The following AGBL4 variants were observed in gnomAD, a reference collection of about 807,000 sequenced individuals.
AGBL4 encodes AGBL carboxypeptidase 4, also known as cytosolic carboxypeptidase 6.
A neutral mutation model predicts 66.4 loss-of-function variants in AGBL4; 58 were observed. That is an observed-to-expected ratio of 0.87 (90% CI 0.71 to 1.09). The LOEUF (loss-of-function observed/expected upper bound fraction) is 1.09, where lower values mean the gene tolerates loss of function less well. AGBL4 is among the 50% of genes least tolerant of loss of function. The pLI is 0.00. For synonymous variants in AGBL4, 234 were observed against 222.9 expected (o/e 1.05, Z -0.44); for missense variants, 579 against 631.0 (o/e 0.92, Z 0.88).
chr1:49,556,745 G>C (rs1159624337), intron 3 of AGBL4, among the ~76,000 whole-genome samples: 3 of 152,016 alleles, frequency 2.0e-5, no homozygotes, highest in African/African-American at 4.8e-5. Context: ...GGGACCTGGG[G>C]CCTCGGAGCA....
chr1:48,675,153 G>C (rs965693118), intron 6 of AGBL4, among the ~76,000 whole-genome samples: 2 of 151,822 alleles, frequency 1.3e-5, no homozygotes, highest in Non-Finnish European at 2.9e-5. Flanking sequence ...AGACCCCCCC[G>C]CCACACCCAT....
chr1:49,251,641 G>C (rs1652073035), intron 3 of AGBL4, among the ~76,000 whole-genome samples: 1 of 152,212 alleles, frequency 6.6e-6, no homozygotes, highest in Non-Finnish European at 1.5e-5. Context: ...TGTCACTGTA[G>C]TGAATGCCTG....
intron 5 of AGBL4, among the ~76,000 whole-genome samples, chr1:48,958,005 T>C (rs1657630535): frequency 6.6e-6 from 1 of 152,048 alleles, no homozygotes; most frequent in South Asian, 2.1e-4. Context: ...TTTTTTTGTT[T>C]GTTTGTTTTG....
intron 6 of AGBL4, among the ~76,000 whole-genome samples, chr1:48,812,583 G>T (rs537110959): frequency 4.2e-4 from 64 of 152,236 alleles, no homozygotes; most frequent in Non-Finnish European, 8.2e-4. Context: ...TTTCATTTCT[G>T]GGAGAAAAAC....
chr1:49,248,897 G>A (rs968508044), intron 3 of AGBL4, among the ~76,000 whole-genome samples: 15 of 151,584 alleles, frequency 9.9e-5, no homozygotes, highest in Non-Finnish European at 1.5e-4. Context: ...TCAGTAATAC[G>A]GTGCTCTATA....
chr1:49,918,929 A>G (rs186476348), intron 1 of AGBL4, among the ~76,000 whole-genome samples: 3 of 152,350 alleles, frequency 2.0e-5, no homozygotes, highest in African/African-American at 7.2e-5. Flanking sequence ...CTGGTTCAAC[A>G]TACAAAAATC....
At chr1:48,653,128 G>C (rs1645958603) in intron 8 of AGBL4, among the ~76,000 whole-genome samples, 1 of 152,158 alleles carries the variant, frequency 6.6e-6, no homozygotes, top group Non-Finnish European at 1.5e-5. Flanking sequence ...GAGCTGTCTA[G>C]AAAAACCCAG....
intron 1 of AGBL4, among the ~76,000 whole-genome samples, chr1:50,011,855 C>T (rs1051915398): frequency 1.3e-4 from 20 of 152,150 alleles, no homozygotes; most frequent in Admixed American, 2.6e-4. Context: ...CTCATGGACA[C>T]AGAGAGTAGA....
chr1:49,417,236 T>C (rs909316105), intron 3 of AGBL4, among the ~76,000 whole-genome samples: 1 of 152,064 alleles, frequency 6.6e-6, no homozygotes, highest in African/African-American at 2.4e-5. Context: ...AAGCTGTTTT[T>C]CAAAGCTAAA....
At chr1:49,923,244 C>T (rs907032159) in intron 1 of AGBL4, among the ~76,000 whole-genome samples, 2 of 151,986 alleles carry the variant, frequency 1.3e-5, no homozygotes, top group South Asian at 2.1e-4. Flanking sequence ...TAAATGGTGC[C>T]GGGATAACTG....
chr1:49,689,717 CT>C (rs1286130205), intron 3 of AGBL4, among the ~76,000 whole-genome samples: 1 of 152,138 alleles, frequency 6.6e-6, no homozygotes. Context: ...AATATCTTTC[CT>C]TTTTTTCTGT....
At chr1:49,198,359 G>A (rs763797979) in intron 4 of AGBL4, among the ~76,000 whole-genome samples, 6 of 151,664 alleles carry the variant, frequency 4.0e-5, no homozygotes, top group African/African-American at 7.3e-5. Flanking sequence ...TAATTTATTC[G>A]AAATGGAGTC....
chr1:49,269,410 C>A (rs1031894948), intron 3 of AGBL4: 1 of 152,190 alleles, frequency 6.6e-6, no homozygotes, highest in African/African-American at 2.4e-5. Flanking sequence ...ATAGAAATAA[C>A]CCTGTAAAGC....
At chr1:48,661,579 G>A (rs914732492) in intron 7 of AGBL4, among the ~76,000 whole-genome samples, 1 of 152,212 alleles carries the variant, frequency 6.6e-6, no homozygotes, top group African/African-American at 2.4e-5. Context: ...ACGCCATTGA[G>A]TGTATGAACT....
intron 6 of AGBL4, among the ~76,000 whole-genome samples, chr1:48,794,315 T>A (rs1645618208): frequency 6.6e-6 from 1 of 152,176 alleles, no homozygotes; most frequent in African/African-American, 2.4e-5. Flanking sequence ...GGCTCCTTCC[T>A]ATATGCACTT....
chr1:49,180,484 G>C (rs1389837446), intron 4 of AGBL4, among the ~76,000 whole-genome samples: 1 of 152,152 alleles, frequency 6.6e-6, no homozygotes, highest in Non-Finnish European at 1.5e-5. Context: ...GCTCAGAAAG[G>C]TTAAATCATC....
chr1:49,272,237 A>G (rs1284122015), intron 3 of AGBL4, among the ~76,000 whole-genome samples: 2 of 152,160 alleles, frequency 1.3e-5, no homozygotes, highest in Non-Finnish European at 2.9e-5. Context: ...GTAAAAATAA[A>G]ATCCTTGATT....
At chr1:48,596,589 A>G (rs907933304) in intron 9 of AGBL4, among the ~76,000 whole-genome samples, 1 of 152,188 alleles carries the variant, frequency 6.6e-6, no homozygotes, top group Non-Finnish European at 1.5e-5. Flanking sequence ...AAGGTTCTTT[A>G]TCATTCATAC....
chr1:48,624,172 A>G (rs1350708017), intron 9 of AGBL4, among the ~76,000 whole-genome samples: 1 of 152,186 alleles, frequency 6.6e-6, no homozygotes, highest in Non-Finnish European at 1.5e-5. Context: ...AAGAGATTCC[A>G]TATGTGGGAG....
Sources: gnomAD v4.1 joint callset for allele counts (sites outside exome capture counted in the v4.1 genomes callset) on GRCh38, gnomAD v4.1.1 for gene constraint, MANE v1.5 for transcripts, NCBI Gene and HGNC (gene_info 2026-07-23, HGNC 2026-07-21) for gene names.